BID: variants seen among roughly 807,000 people sequenced by gnomAD.
BID encodes the protein BH3-interacting domain death agonist.
BID carries 19 observed loss-of-function variants against 17.4 expected under a neutral mutation model. That is an observed-to-expected ratio of 1.09 (90% confidence interval 0.76 to 1.60). BID has a LOEUF of 1.60. Among genes scored for constraint, BID ranks in the 40% most tolerant of loss-of-function variants. BID has a pLI of 0.00. For synonymous variants in BID, 108 were observed against 102.8 expected, an observed-to-expected ratio of 1.05 and a Z score of -0.31; for missense variants, 226 against 256.0, an observed-to-expected ratio of 0.88 and a Z score of 0.80.
chr22:17,740,086 G>A, intron 3 of BID: 1 of 1,611,644 alleles, frequency 6.2e-7, no homozygotes, highest in Non-Finnish European at 8.5e-7. Context: ...GAGTACCACT[G>A]TCGCAGCTCC....
chr22:17,751,280 G>A (rs867518385), intron 1 of BID, among the ~76,000 whole-genome samples: 216 of 151,952 alleles, frequency 1.4e-3, no homozygotes, highest in South Asian at 2.9e-3. Context: ...GCTGAGGCAG[G>A]AGAATGGCGT....
upstream of BID, chr22:17,774,531 G>GGCCCGCCCCC (rs1465359118): frequency 8.1e-5 from 13 of 161,434 alleles, no homozygotes; most frequent in African/African-American, 3.2e-4. Flanking sequence ...GGCCCGCCCC[G>GGCCCGCCCCC]GCCCGCCCCC....
intron 1 of BID, among the ~76,000 whole-genome samples, chr22:17,751,100 C>T (rs1300878347): frequency 6.6e-6 from 1 of 151,786 alleles, no homozygotes; most frequent in Non-Finnish European, 1.5e-5. Flanking sequence ...AGGCCGGGCG[C>T]GGTGGCTCAC....
At chr22:17,740,063 G>A in intron 3 of BID, 1 of 1,608,782 alleles carries the variant, frequency 6.2e-7, no homozygotes. Context: ...CAGCCTCCGT[G>A]CTGCCCCTGC....
chr22:17,741,331 C>A (rs1189423851), intron 3 of BID: 1 of 152,212 alleles, frequency 6.6e-6, no homozygotes, highest in East Asian at 1.9e-4. Context: ...ATGGAACATG[C>A]AGTAAGGCTG....
At chr22:17,750,806 C>G (rs559158642) in intron 1 of BID, among the ~76,000 whole-genome samples, 1 of 151,990 alleles carries the variant, frequency 6.6e-6, no homozygotes, top group African/African-American at 2.4e-5. Flanking sequence ...CCAGCCTGGG[C>G]GACAGAGCGA....
At chr22:17,747,613 GC>G (rs1258445958) in intron 2 of BID, among the ~76,000 whole-genome samples, 7 of 152,018 alleles carry the variant, frequency 4.6e-5, no homozygotes, top group African/African-American at 9.7e-5. Context: ...GAGCCACCAT[GC>G]CCAGCCTCTA....
At chr22:17,764,689 G>A (rs1020157841) in intron 1 of BID, among the ~76,000 whole-genome samples, 10 of 152,292 alleles carry the variant, frequency 6.6e-5, no homozygotes, top group African/African-American at 1.9e-4. Context: ...GGAGAGGCCC[G>A]GGTACAGATA....
At chr22:17,756,105 A>T (rs1056775575) in intron 1 of BID, among the ~76,000 whole-genome samples, 7 of 152,148 alleles carry the variant, frequency 4.6e-5, no homozygotes, top group Admixed American at 2.6e-4. Context: ...TGACCTCATG[A>T]TCCACCCTCC....
rs571120982 is a variant in BID at position 17,766,584 on chromosome 22, T to C, written c.-59+7797A>G. ...GCGTGAGCCACTTCGCGCCCAGCCT[T>C]TTTTGTTTGTCTGTTTGTTTTTTGA... On this transcript the variant is annotated intron_variant, in intron 1 of 5. Coordinates refer to ENST00000622694, the MANE Select transcript of BID (RefSeq NM_001196.4). Among the ~76,000 whole-genome samples the C allele has an allele frequency of 1.7e-3, 238 of 141,136 alleles. 1 individual carries two copies. The highest frequency in any genetic ancestry group is 6.2e-3 in the African/African-American group (232 of 37,374). The allele number at this position is 141,136 out of a possible 152,430, so 92.6% of individuals were successfully genotyped here. A position where few individuals can be genotyped will look rare whatever the true frequency, so the allele number is the denominator to read the frequency against.
rs1178733170 is a variant in BID, at chr22:17,749,810, T to C, written c.12+295A>G. 2.6e-5 allele frequency among the ~76,000 whole-genome samples: 4 copies of C among 152,340 alleles called. No individual in the cohort carries two copies. In the South Asian group the frequency reaches 8.3e-4, roughly 32 times the overall value. On this transcript the variant is annotated intron_variant, in intron 2 of 5. Coordinates refer to ENST00000622694, the MANE Select transcript of BID (RefSeq NM_001196.4). ...AGTGCTGGGACCCACAGCCTATGGC[T>C]GTTAAATGGTCTTAAACCCAAAGCC... is the stretch of plus-strand genomic sequence containing the variant.
At chr22:17,746,602 T>C (rs913205128) in intron 2 of BID, among the ~76,000 whole-genome samples, 1 of 152,208 alleles carries the variant, frequency 6.6e-6, no homozygotes, top group African/African-American at 2.4e-5. Context: ...TAACCCCAAG[T>C]ACCTGTCAAT....
At chr22:17,768,543 G>T (rs1376148248) in intron 1 of BID, among the ~76,000 whole-genome samples, 3 of 152,172 alleles carry the variant, frequency 2.0e-5, no homozygotes, top group African/African-American at 7.2e-5. Flanking sequence ...GAGCCTCCTG[G>T]TCCGCCCCTC....
chr22:17,764,486 A>G (rs2061664378), intron 1 of BID, among the ~76,000 whole-genome samples: 1 of 152,242 alleles, frequency 6.6e-6, no homozygotes, highest in Non-Finnish European at 1.5e-5. Flanking sequence ...AAAAAAGGTC[A>G]AGGTTAGGTT....
chr22:17,745,092 C>T (rs1243806371), intron 2 of BID, among the ~76,000 whole-genome samples: 1 of 152,164 alleles, frequency 6.6e-6, no homozygotes, highest in East Asian at 1.9e-4. Flanking sequence ...GCTCTGTCAC[C>T]CAGGCTGGAG....
In BID at chr22:17,773,662, C is replaced by T. The variant is rs2061737697; in HGVS notation, c.-59+719G>A. ...GCCCGGCCCCTCGCTGCCCACCGAGCCATCATGACCCCAGCACCGCTGCAC... is the reference window on the plus strand; with the variant it reads ...GCCCGGCCCCTCGCTGCCCACCGAGTCATCATGACCCCAGCACCGCTGCAC... On this transcript the variant is annotated intron_variant, in intron 1 of 5. Coordinates refer to ENST00000622694, the MANE Select transcript of BID (RefSeq NM_001196.4). The surrounding 1 kb of genome is among the most constrained non-coding windows in gnomAD (Gnocchi z 4.4). The T allele has an allele frequency of 6.2e-7, 1 of 1,611,350 alleles. No individual in the cohort carries two copies. The highest frequency in any genetic ancestry group is 8.5e-7 in the Non-Finnish European group (1 of 1,179,954).
At chr22:17,750,766 T>G (rs1415154068) in intron 1 of BID, among the ~76,000 whole-genome samples, 5 of 152,054 alleles carry the variant, frequency 3.3e-5, no homozygotes, top group Non-Finnish European at 5.9e-5. Context: ...AGGGAGAGGT[T>G]GCAGTAAGCC....
chr22:17,767,472 C>T (rs2061687316), intron 1 of BID, among the ~76,000 whole-genome samples: 1 of 152,254 alleles, frequency 6.6e-6, no homozygotes, highest in South Asian at 2.1e-4. Context: ...AACACAGAAA[C>T]TGGAAAAGTC....
At chr22:17,761,588 C>T (rs1345228855) in intron 1 of BID, among the ~76,000 whole-genome samples, 3 of 152,032 alleles carry the variant, frequency 2.0e-5, no homozygotes, top group African/African-American at 4.8e-5. Context: ...CCCGCCACCA[C>T]GCCCGGCTAA....
Sources: allele counts gnomAD v4.1 joint callset (sites outside exome capture counted in the v4.1 genomes callset), GRCh38; gene constraint gnomAD v4.1.1; non-coding constraint Gnocchi (gnomAD v3.1); transcripts MANE v1.5; gene names NCBI Gene and HGNC (gene_info 2026-07-23, HGNC 2026-07-21).